The following FNBP1 variants were observed in gnomAD, a reference collection of about 807,000 sequenced individuals.
The protein encoded by FNBP1 is formin binding protein 1, also known as formin-binding protein 1.
Under a neutral mutation model 90.6 loss-of-function variants are expected in FNBP1, and 26 were observed. The observed-to-expected ratio is 0.29, with a 90% CI of 0.21 to 0.40. The LOEUF is 0.40. Among genes scored for constraint, FNBP1 ranks in the 10% least tolerant of loss-of-function variants. The pLI is 1.00. For missense variants in FNBP1, 635 were observed against 768.0 expected (o/e 0.83, Z 2.05); for synonymous variants, 260 against 265.2 (o/e 0.98, Z 0.19).
intron 4 of FNBP1, among the ~76,000 whole-genome samples, chr9:129,972,354 G>A (rs765815043): frequency 3.3e-5 from 5 of 151,868 alleles, no homozygotes; most frequent in African/African-American, 7.3e-5. Flanking sequence ...GGCTGGTTTC[G>A]AACTCCTGGT....
intron 2 of FNBP1, among the ~76,000 whole-genome samples, chr9:129,992,938 A>T (rs1303854773): frequency 6.7e-6 from 1 of 150,012 alleles, no homozygotes; most frequent in Non-Finnish European, 1.5e-5. Flanking sequence ...AAAAAAAAAG[A>T]AAAAAGGGCT....
At chr9:129,891,371 G>GA (rs1389565534) in intron 16 of FNBP1, among the ~76,000 whole-genome samples, 3 of 152,266 alleles carry the variant, frequency 2.0e-5, no homozygotes, top group African/African-American at 7.2e-5. Flanking sequence ...AGATGAGTTG[G>GA]AAGGATGGCT....
At chr9:129,944,721 TGAG>T (rs2044954089) in intron 6 of FNBP1, among the ~76,000 whole-genome samples, 1 of 152,116 alleles carries the variant, frequency 6.6e-6, no homozygotes, top group Non-Finnish European at 1.5e-5. Context: ...ACCCAGCCCT[TGAG>T]GTGCATATGC....
chr9:130,033,014 G>A (rs1358591933), intron 1 of FNBP1, among the ~76,000 whole-genome samples: 1 of 152,102 alleles, frequency 6.6e-6, no homozygotes, highest in Non-Finnish European at 1.5e-5. Flanking sequence ...TAAATCAGAA[G>A]GCTAGGACAG....
chr9:129,961,803 C>A (rs140325421), intron 4 of FNBP1, among the ~76,000 whole-genome samples: 1 of 152,320 alleles, frequency 6.6e-6, no homozygotes, highest in African/African-American at 2.4e-5. Context: ...CCAGGCTGGT[C>A]TCGAACTCCC....
At chr9:129,915,237 C>G (rs1023144623) in intron 11 of FNBP1, among the ~76,000 whole-genome samples, 1 of 152,086 alleles carries the variant, frequency 6.6e-6, no homozygotes, top group African/African-American at 2.4e-5. Flanking sequence ...CATTCCTGCA[C>G]AGCTCCTCCA....
intron 1 of FNBP1, among the ~76,000 whole-genome samples, chr9:130,001,108 G>A (rs1041376338): frequency 6.6e-6 from 1 of 151,946 alleles, no homozygotes; most frequent in Non-Finnish European, 1.5e-5. Flanking sequence ...CGAGGCAGGC[G>A]GATGACAAGG....
rs183670148 is a variant in FNBP1, at chr9:129,977,237, A to G, written c.345+1228T>C. Among the ~76,000 whole-genome samples the G allele has an allele frequency of 3.6e-4, 55 of 152,292 alleles. 1 individual carries two copies. Among genetic ancestry groups the G allele is most frequent in the Admixed American group, 3.4e-3 (52 of 15,276 alleles). ...CAAATTTTTCCGCACTTCACATGCA[A>G]TCGAAGTACAATGATACAGACCATG... On this transcript the variant is annotated intron_variant, in intron 4 of 16. Transcript: ENST00000446176.
chr9:129,974,941 A>G (rs1206797215), intron 4 of FNBP1, among the ~76,000 whole-genome samples: 2 of 152,176 alleles, frequency 1.3e-5, no homozygotes, highest in African/African-American at 4.8e-5. Flanking sequence ...CAAACAGGTC[A>G]GGTGCAGTGG....
chr9:129,999,181 T>C (rs990063144), intron 1 of FNBP1, among the ~76,000 whole-genome samples: 2 of 152,178 alleles, frequency 1.3e-5, no homozygotes, highest in African/African-American at 4.8e-5. Context: ...TGAACAAATA[T>C]TATAAACGGC....
intron 4 of FNBP1, among the ~76,000 whole-genome samples, chr9:129,963,224 T>TTG (rs1166870043): frequency 6.6e-6 from 1 of 152,146 alleles, no homozygotes; most frequent in African/African-American, 2.4e-5. Flanking sequence ...GGGGCAATGC[T>TTG]GTGGGTGGAG....
intron 1 of FNBP1, among the ~76,000 whole-genome samples, chr9:130,012,859 T>G (rs994074705): frequency 1.3e-5 from 2 of 152,150 alleles, no homozygotes; most frequent in African/African-American, 4.8e-5. Context: ...CAGGATGGTC[T>G]TGATCTTCTG....
intron 12 of FNBP1, among the ~76,000 whole-genome samples, chr9:129,905,170 CCATTA>C (rs1375056937): frequency 6.6e-6 from 1 of 151,664 alleles, no homozygotes; most frequent in African/African-American, 2.4e-5. Flanking sequence ...TTGTCTATAT[CCATTA>C]TCTTTAGCTT....
At chr9:129,968,407 A>C (rs2048948352) in intron 4 of FNBP1, among the ~76,000 whole-genome samples, 1 of 152,020 alleles carries the variant, frequency 6.6e-6, no homozygotes, top group South Asian at 2.1e-4. Context: ...AAAAAAAAAA[A>C]AAAAAAAAAA....
At position 129,954,759 on chromosome 9, in the gene FNBP1, G is replaced by C. The variant is rs141468823; in HGVS notation, c.513+2601C>G. On this transcript the variant is annotated intron_variant, in intron 6 of 16. Transcript: ENST00000446176. The stretch of plus-strand genomic sequence containing the variant: ...TGCCTGTAATCCCAGCACTTTGGGA[G>C]GCCGAGGCTGGTGGATCACCTGAGG... 4.6e-5 allele frequency among the ~76,000 whole-genome samples: 7 copies of C among 152,322 alleles called. No homozygotes were observed. In the East Asian group the frequency reaches 1.2e-3, roughly 25 times the overall value.
Position 129,896,586 on chromosome 9 carries a change from G to A in FNBP1, c.1688-590C>T, listed in dbSNP as rs1346674111. On this transcript the variant is annotated intron_variant, in intron 15 of 16. Coordinates refer to ENST00000446176, the MANE Select transcript of FNBP1 (RefSeq NM_015033.3). The stretch of plus-strand genomic sequence containing the variant: ...TTTAGTAGAGATGGGGTTTCACCAT[G>A]TTGGTCAGGCTGGTCTGACTCCTGA... 2.6e-5 allele frequency among the ~76,000 whole-genome samples: 4 copies of A among 152,176 alleles called. No homozygotes were observed. In the South Asian group the frequency reaches 6.2e-4, roughly 24 times the overall value.
intron 2 of FNBP1, among the ~76,000 whole-genome samples, chr9:129,986,651 G>A (rs1034850205): frequency 1.2e-4 from 18 of 151,932 alleles, no homozygotes; most frequent in Non-Finnish European, 2.2e-4. Flanking sequence ...TCAGCTGGGC[G>A]TGGTGGCGGG....
chr9:129,991,784 C>T (rs1309591441), intron 2 of FNBP1, among the ~76,000 whole-genome samples: 17 of 151,962 alleles, frequency 1.1e-4, no homozygotes, highest in Admixed American at 9.2e-4. Flanking sequence ...CTCAGCCTCC[C>T]AAGTAGCTGG....
At chr9:129,946,438 C>T (rs550965225) in intron 6 of FNBP1, among the ~76,000 whole-genome samples, 10 of 152,142 alleles carry the variant, frequency 6.6e-5, no homozygotes, top group East Asian at 1.9e-4. Flanking sequence ...TTCCTCAAAT[C>T]GGGTTATATA....
Sources: allele counts gnomAD v4.1 joint callset (sites outside exome capture counted in the v4.1 genomes callset), GRCh38; gene constraint gnomAD v4.1.1; transcripts MANE v1.5; gene names NCBI Gene and HGNC (gene_info 2026-07-23, HGNC 2026-07-21).